The following FGD5 variants were observed in gnomAD, a reference collection of about 807,000 sequenced individuals.
The protein encoded by FGD5 is FYVE, RhoGEF and PH domain containing 5.
A neutral mutation model predicts 133.4 loss-of-function variants in FGD5; 28 were observed. The observed-to-expected ratio is 0.21, with a 90% CI of 0.16 to 0.29. The LOEUF (loss-of-function observed/expected upper bound fraction) is 0.29. Ranked by LOEUF, FGD5 falls within the 10% of genes least tolerant of loss-of-function variation. The pLI is 1.00. For missense variants in FGD5, 1,858 were observed against 1,895.2 expected (o/e 0.98, Z 0.36); for synonymous variants, 810 against 776.5 (o/e 1.04, Z -0.72).
intron 1 of FGD5, among the ~76,000 whole-genome samples, chr3:14,842,317 C>T (rs780882096): frequency 1.3e-5 from 2 of 152,192 alleles, no homozygotes; most frequent in Non-Finnish European, 2.9e-5. Context: ...AGGGCCTAGG[C>T]ACAGGCATGG....
intron 1 of FGD5, among the ~76,000 whole-genome samples, chr3:14,852,986 A>G (rs1374990778): frequency 6.6e-6 from 1 of 152,092 alleles, no homozygotes; most frequent in African/African-American, 2.4e-5. Flanking sequence ...CCTCCACCTC[A>G]GTTTTATAGA....
At position 14,864,247 on chromosome 3, in the gene FGD5, G is replaced by A; in HGVS notation, c.2645G>A (p.Ser882Asn). ...GAGGACAGTGCTTCAAGAGACCCCA[G>A]TGTCACCCACAAGGTAGGGCACCCC... ...EEEDSASRDP[S>N]VTHKVEGQSR... Residue 882 changes from serine to asparagine, a missense_variant, in exon 2 of 20, where the codon AGT (serine) becomes AAT (asparagine). By Grantham distance (46) the Ser-to-Asn change is conservative. Around this residue, in one of 3 missense-constraint regions of FGD5, gnomAD observed 1,824 missense variants for 1,848.9 expected, o/e 0.99. Transcript: ENST00000285046. 2 of 1,614,008 alleles carry A rather than the reference G, an allele frequency of 1.2e-6. No individual in the cohort carries two copies. Among genetic ancestry groups the A allele is most frequent in the Non-Finnish European group, 1.7e-6 (2 of 1,179,886 alleles).
chr3:14,844,268 AT>A (rs2036999828), intron 1 of FGD5, among the ~76,000 whole-genome samples: 1 of 90,510 alleles, frequency 1.1e-5, no homozygotes, highest in African/African-American at 4.3e-5. Context: ...ATATATATAT[AT>A]ATAATGCAGG....
intron 4 of FGD5, among the ~76,000 whole-genome samples, chr3:14,884,664 G>C (rs532600520): frequency 1.3e-5 from 2 of 152,266 alleles, no homozygotes; most frequent in Admixed American, 6.5e-5. Flanking sequence ...AGGGCACGGT[G>C]GTGGGAGTTG....
At chr3:14,909,746 C>CTTTTA (rs2038410464) in intron 10 of FGD5, among the ~76,000 whole-genome samples, 1 of 147,370 alleles carries the variant, frequency 6.8e-6, no homozygotes, top group African/African-American at 2.5e-5. Context: ...ATGCACTTTT[C>CTTTTA]TTTTCTTTTC....
intron 2 of FGD5, among the ~76,000 whole-genome samples, chr3:14,876,521 A>AAAAAT (rs1030123226): frequency 3.3e-5 from 5 of 152,242 alleles, no homozygotes; most frequent in African/African-American, 1.2e-4. Context: ...TTTTATGCAA[A>AAAAAT]AAATAAATAA....
At chr3:14,925,582 AC>A (rs1175037987) in intron 17 of FGD5, among the ~76,000 whole-genome samples, 1 of 151,840 alleles carries the variant, frequency 6.6e-6, no homozygotes, top group Non-Finnish European at 1.5e-5. Flanking sequence ...GAATACTACT[AC>A]CCCCCGCCAC....
At chr3:14,815,158 A>G (rs954386374), upstream of FGD5, among the ~76,000 whole-genome samples, 4 of 152,162 alleles carry the variant, frequency 2.6e-5, no homozygotes, top group African/African-American at 4.8e-5. Context: ...AAAGCCCTGC[A>G]TAATCTGCAC....
intron 11 of FGD5, among the ~76,000 whole-genome samples, chr3:14,912,072 T>C (rs2038459224): frequency 6.6e-6 from 1 of 151,748 alleles, no homozygotes; most frequent in South Asian, 2.1e-4. Context: ...CCTCAAGAAG[T>C]CTTTGTCTGC....
intron 18 of FGD5, chr3:14,931,545 T>C (rs2038899424): frequency 6.6e-6 from 1 of 152,226 alleles, no homozygotes; most frequent in African/African-American, 2.4e-5. Flanking sequence ...ACCACCATTC[T>C]AATATGCTTA....
chr3:14,908,472 GAC>G (rs770560559), intron 10 of FGD5, among the ~76,000 whole-genome samples: 3 of 151,948 alleles, frequency 2.0e-5, no homozygotes, highest in Non-Finnish European at 4.4e-5. Flanking sequence ...AATCCTGAAA[GAC>G]ACAGTCTTGA....
chr3:14,929,070 C>T (rs929321691), intron 18 of FGD5, among the ~76,000 whole-genome samples: 1 of 152,178 alleles, frequency 6.6e-6, no homozygotes, highest in Middle Eastern at 3.2e-3. Context: ...TCTTTTCCAC[C>T]ATAGATTAGT....
intron 4 of FGD5, among the ~76,000 whole-genome samples, chr3:14,888,561 G>C (rs540393130): frequency 2.6e-5 from 4 of 152,336 alleles, no homozygotes; most frequent in South Asian, 2.1e-4. Context: ...ATATTTCAGA[G>C]ACTAATGTAA....
chr3:14,844,693 C>T (rs769780452), intron 1 of FGD5, among the ~76,000 whole-genome samples: 4 of 152,280 alleles, frequency 2.6e-5, no homozygotes, highest in South Asian at 2.1e-4. Flanking sequence ...CACTTCATGT[C>T]TCTGTGCCTC....
chr3:14,896,978 C>T (rs1454078041), intron 4 of FGD5: 1 of 156,292 alleles, frequency 6.4e-6, no homozygotes, highest in African/African-American at 2.4e-5. Flanking sequence ...GGAAACAGCT[C>T]TGCACCCCTT....
At position 14,868,420 on chromosome 3, in the gene FGD5, G is replaced by A. The variant is rs531994944; in HGVS notation, c.2658+4160G>A. Among the ~76,000 whole-genome samples the A allele has an allele frequency of 3.5e-4, 53 of 152,354 alleles. No individual in the cohort carries two copies. The East Asian group carries it at 7.7e-3, about 22-fold the overall frequency. Reference sequence around the variant, plus strand: ...CCCAGAGCTCTGCTCTTGCCGGGCCGGCTGACCGGTGTCCCTGGTCCTTGC... The same window carrying A: ...CCCAGAGCTCTGCTCTTGCCGGGCCAGCTGACCGGTGTCCCTGGTCCTTGC... On this transcript the variant is annotated intron_variant, in intron 2 of 19. Transcript: ENST00000285046.
At chr3:14,812,028 GTGTA>G (rs1553621398) in intron 1 of FGD5, among the ~76,000 whole-genome samples, 2 of 101,422 alleles carry the variant, frequency 2.0e-5, no homozygotes, top group Non-Finnish European at 4.6e-5. Context: ...GTGTGTGTGT[GTGTA>G]TGTATGTGTG....
intron 2 of FGD5, among the ~76,000 whole-genome samples, chr3:14,877,062 T>C (rs540879000): frequency 2.6e-5 from 4 of 152,254 alleles, no homozygotes; most frequent in African/African-American, 9.6e-5. Context: ...AGAAATGCCA[T>C]AGCAATAGCA....
intron 11 of FGD5, among the ~76,000 whole-genome samples, chr3:14,911,253 G>T (rs775425305): frequency 6.6e-6 from 1 of 152,184 alleles, no homozygotes; most frequent in African/African-American, 2.4e-5. Context: ...GGCCTCCCAG[G>T]GGGATGGTGG....
Sources: gnomAD v4.1 joint callset for allele counts (sites outside exome capture counted in the v4.1 genomes callset) on GRCh38, gnomAD v4.1.1 for gene constraint, gnomAD v4.1.1 regional missense constraint, MANE v1.5 for transcripts, NCBI Gene and HGNC (gene_info 2026-07-23, HGNC 2026-07-21) for gene names.